ACSM2A: variants seen among roughly 807,000 people sequenced by gnomAD.
The protein encoded by ACSM2A is acyl-CoA synthetase medium chain family member 2A, also known as acyl-coenzyme A synthetase ACSM2A, mitochondrial.
In ACSM2A, 72 loss-of-function variants were observed where a neutral mutation model predicts 76.6. That is an observed-to-expected ratio of 0.94 (90% CI 0.78 to 1.14). ACSM2A has a LOEUF of 1.14. Among genes scored for constraint, ACSM2A ranks in the 50% most tolerant of loss-of-function variants. ACSM2A has a pLI of 0.00. For synonymous variants in ACSM2A, 249 were observed against 255.9 expected, an observed-to-expected ratio of 0.97 and a Z score of 0.26; for missense variants, 684 against 708.5, an observed-to-expected ratio of 0.97 and a Z score of 0.39.
intron 8 of ACSM2A, chr16:20,477,164 GCTTC>G (rs977258230): frequency 9.3e-6 from 8 of 856,854 alleles, no homozygotes; most frequent in Middle Eastern, 3.8e-4. Context: ...TAGATGGGTT[GCTTC>G]CTGAACTAAC....
chr16:20,470,735 A>C, intron 4 of ACSM2A: 2 of 492,124 alleles, frequency 4.1e-6, no homozygotes, highest in African/African-American at 1.9e-5. Context: ...ATTAGCATTT[A>C]TTGAGTTCTT....
In ACSM2A at chr16:20,460,272, A is replaced by G. The variant is rs2012537030; in HGVS notation, c.158A>G (p.His53Arg). The G allele has an allele frequency of 3.1e-6, 5 of 1,613,572 alleles. No individual in the cohort carries two copies. Among genetic ancestry groups the G allele is most frequent in the South Asian group, 1.1e-5 (1 of 91,062 alleles). Residue 53 changes from histidine (H) to arginine (R), a missense_variant, in exon 2 of 14, where the codon CAC (histidine) becomes CGC (arginine). By Grantham distance (29) the His-to-Arg change is conservative. Coordinates refer to ENST00000573854, the MANE Select transcript of ACSM2A (RefSeq NM_001308172.2). ...KFNFASDVLD[H>R]WADMEKAGKR... ...AACTTTGCTAGTGATGTGTTGGATC[A>G]CTGGGCTGACATGGAGAAGGTAATG...
At chr16:20,457,826 CA>C (rs1761321501) in intron 1 of ACSM2A, among the ~76,000 whole-genome samples, 1 of 151,978 alleles carries the variant, frequency 6.6e-6, no homozygotes, top group Non-Finnish European at 1.5e-5. Context: ...ATCAATCAGA[CA>C]AGAGAAAGAA....
intron 8 of ACSM2A, chr16:20,476,157 AAC>A: frequency 9.3e-7 from 1 of 1,079,512 alleles, no homozygotes; most frequent in African/African-American, 1.7e-5. Flanking sequence ...AAGTTTATCA[AAC>A]ATGTCAAGCA....
intron 12 of ACSM2A, chr16:20,481,367 A>G (rs1293248822): frequency 6.2e-6 from 1 of 162,242 alleles, no homozygotes; most frequent in Non-Finnish European, 1.3e-5. Context: ...GTATATATAC[A>G]CAATGGAATA....
At chr16:20,473,017 C>A (rs1236611195) in intron 6 of ACSM2A, among the ~76,000 whole-genome samples, 1 of 152,154 alleles carries the variant, frequency 6.6e-6, no homozygotes, top group African/African-American at 2.4e-5. Context: ...TATGCATTAT[C>A]CTGTAGCAAC....
intron 1 of ACSM2A, chr16:20,452,342 T>A (rs2011810112): frequency 6.8e-6 from 1 of 146,838 alleles, no homozygotes; most frequent in Non-Finnish European, 1.5e-5. Flanking sequence ...AGCCTAGATC[T>A]TTCTTCCGTA....
intron 6 of ACSM2A, 123 bp downstream of exon 6, chr16:20,471,812 T>A (rs2013431047): frequency 6.7e-7 from 1 of 1,492,528 alleles, no homozygotes; most frequent in East Asian, 2.3e-5. Flanking sequence ...TGGTGAACAG[T>A]GTTCAGTAAA....
rs191592674 is a variant in ACSM2A at position 20,479,730 on chromosome 16, A to C, written c.1282-843A>C. On this transcript the variant is annotated intron_variant, in intron 10 of 13. Coordinates refer to ENST00000573854, the MANE Select transcript of ACSM2A (RefSeq NM_001308172.2). ...AGTACTATGTCATGGGCTTCTCCCC[A>C]TTTGACAGAAAAGGAAACAGACTCA... is the stretch of plus-strand genomic sequence containing the variant. Among the ~76,000 whole-genome samples the C allele has an allele frequency of 3.3e-5, 5 of 152,302 alleles. No homozygotes were observed. In the East Asian group the frequency reaches 9.6e-4, roughly 29 times the overall value.
At chr16:20,480,765 T>A in intron 11 of ACSM2A, 57 bp from the exon 12 acceptor site, 2 of 1,612,452 alleles carry the variant, frequency 1.2e-6, no homozygotes, top group Admixed American at 3.3e-5. Flanking sequence ...TCCAGACTTC[T>A]GGAATGGCCT....
At chr16:20,476,593 T>C in intron 8 of ACSM2A, 1 of 985,468 alleles carries the variant, frequency 1.0e-6, no homozygotes, top group Non-Finnish European at 1.2e-6. Context: ...GAGGACATGT[T>C]TAGGATATGC....
chr16:20,473,618 G>A (rs2013546235), intron 6 of ACSM2A, among the ~76,000 whole-genome samples: 1 of 151,814 alleles, frequency 6.6e-6, no homozygotes, highest in African/African-American at 2.4e-5. Flanking sequence ...GAATATTTGT[G>A]CCCCCCAAAA....
intron 3 of ACSM2A, among the ~76,000 whole-genome samples, chr16:20,468,386 T>A (rs1244070781): frequency 4.6e-5 from 7 of 152,246 alleles, no homozygotes; most frequent in African/African-American, 1.7e-4. Context: ...TTTATTTTTT[T>A]GAGACGGAGT....
In ACSM2A at chr16:20,473,491, A is replaced by G. The variant is rs541264830; in HGVS notation, c.894+1802A>G. Among the ~76,000 whole-genome samples, 7 of 152,300 alleles carry G rather than the reference A, an allele frequency of 4.6e-5. No homozygotes were observed. In the South Asian group the frequency reaches 1.4e-3, roughly 32 times the overall value. On this transcript the variant is annotated intron_variant, in intron 6 of 13. Coordinates refer to ENST00000573854, the MANE Select transcript of ACSM2A (RefSeq NM_001308172.2). ...CTAGTAAGGCAAAGCAATAAGGAAT[A>G]TGGGATCATTTTCATAGCTTATATC...
intron 9 of ACSM2A, 95 bp from the exon 10 acceptor site, chr16:20,478,481 A>T: frequency 7.0e-7 from 1 of 1,436,780 alleles, no homozygotes; most frequent in South Asian, 1.4e-5. Context: ...CTAGAGCAAG[A>T]GGGTCTTTCA....
intron 3 of ACSM2A, among the ~76,000 whole-genome samples, chr16:20,466,058 A>C (rs1283722773): frequency 1.3e-5 from 2 of 152,104 alleles, no homozygotes; most frequent in African/African-American, 4.8e-5. Context: ...TATAAAAATA[A>C]ATTTGGCAGA....
At chr16:20,475,013 A>G (rs1417112400) in intron 6 of ACSM2A, among the ~76,000 whole-genome samples, 3 of 152,194 alleles carry the variant, frequency 2.0e-5, no homozygotes, top group Admixed American at 2.0e-4. Flanking sequence ...TGCTGTGCTC[A>G]GGCAGCTGAT....
intron 4 of ACSM2A, among the ~76,000 whole-genome samples, chr16:20,470,043 G>T (rs1411350785): frequency 6.6e-6 from 1 of 151,892 alleles, no homozygotes; most frequent in Non-Finnish European, 1.5e-5. Context: ...TGTCCTGGGG[G>T]TGTTATTGCC....
chr16:20,453,617 G>A (rs1166253281), intron 1 of ACSM2A: 1 of 125,960 alleles, frequency 7.9e-6, no homozygotes, highest in Non-Finnish European at 1.6e-5. Flanking sequence ...AGGGAACAAT[G>A]GAAGATAACT....
Sources: allele counts gnomAD v4.1 joint callset (sites outside exome capture counted in the v4.1 genomes callset), GRCh38; gene constraint gnomAD v4.1.1; transcripts MANE v1.5; gene names NCBI Gene and HGNC (gene_info 2026-07-23, HGNC 2026-07-21).